The following LHFPL3 variants were observed in gnomAD, a reference collection of about 807,000 sequenced individuals.
LHFPL3 encodes LHFPL tetraspan subfamily member 3, also known as LHFPL tetraspan subfamily member 3 protein.
In LHFPL3, 5 loss-of-function variants were observed where a neutral mutation model predicts 19.3. That is an observed-to-expected ratio of 0.26 (90% CI 0.14 to 0.54). LHFPL3 has a LOEUF of 0.54. Among genes scored for constraint, LHFPL3 ranks in the 20% least tolerant of loss-of-function variants. LHFPL3 has a pLI of 0.94. For synonymous variants in LHFPL3, 133 were observed against 126.2 expected (o/e 1.05, Z -0.36); for missense variants, 249 against 307.4 (o/e 0.81, Z 1.42).
At chr7:104,627,217 AT>A (rs1417111170) in intron 1 of LHFPL3, among the ~76,000 whole-genome samples, 2 of 152,126 alleles carry the variant, frequency 1.3e-5, no homozygotes, top group African/African-American at 4.8e-5. Context: ...AATTACAATC[AT>A]GCGGTATTTG....
intron 1 of LHFPL3, among the ~76,000 whole-genome samples, chr7:104,493,825 T>C (rs1244267871): frequency 6.6e-6 from 1 of 152,180 alleles, no homozygotes; most frequent in Non-Finnish European, 1.5e-5. Context: ...CTTACTTCTC[T>C]GTACCATGCT....
chr7:104,759,608 C>CA (rs1415007261), intron 2 of LHFPL3: 3 of 152,168 alleles, frequency 2.0e-5, no homozygotes, highest in African/African-American at 7.2e-5. Context: ...GGACAGCAGA[C>CA]AGTTCACTCA....
intron 1 of LHFPL3, among the ~76,000 whole-genome samples, chr7:104,523,715 C>A (rs1287378861): frequency 1.3e-5 from 2 of 152,190 alleles, no homozygotes; most frequent in Non-Finnish European, 2.9e-5. Flanking sequence ...TAGATGATCA[C>A]TCTTCAGTGA....
At chr7:104,383,821 A>G (rs1790880516) in intron 1 of LHFPL3, among the ~76,000 whole-genome samples, 1 of 152,170 alleles carries the variant, frequency 6.6e-6, no homozygotes, top group Non-Finnish European at 1.5e-5. Flanking sequence ...GGTCTTATGA[A>G]TTCTCATTAA....
chr7:104,589,398 A>G (rs1160485520), intron 1 of LHFPL3, among the ~76,000 whole-genome samples: 1 of 152,218 alleles, frequency 6.6e-6, no homozygotes, highest in Non-Finnish European at 1.5e-5. Flanking sequence ...GGCTCTGTTT[A>G]TATGATGGAT....
intron 2 of LHFPL3, among the ~76,000 whole-genome samples, chr7:104,859,240 CT>C (rs1332472421): frequency 6.7e-6 from 1 of 149,718 alleles, no homozygotes; most frequent in Non-Finnish European, 1.5e-5. Flanking sequence ...GCACTCCAGC[CT>C]GGGCAACAGA....
chr7:104,374,472 C>T (rs1562878355), intron 1 of LHFPL3, among the ~76,000 whole-genome samples: 1 of 152,072 alleles, frequency 6.6e-6, no homozygotes, highest in Non-Finnish European at 1.5e-5. Flanking sequence ...AATCTCTTGA[C>T]CTTATGATCT....
intron 1 of LHFPL3, among the ~76,000 whole-genome samples, chr7:104,345,033 G>A (rs949101147): frequency 6.6e-6 from 1 of 152,126 alleles, no homozygotes; most frequent in African/African-American, 2.4e-5. Flanking sequence ...AACTGTTTGA[G>A]ACTGGTATTT....
At chr7:104,891,347 G>A (rs1422414946) in intron 2 of LHFPL3, among the ~76,000 whole-genome samples, 4 of 152,066 alleles carry the variant, frequency 2.6e-5, no homozygotes, top group East Asian at 3.9e-4. Context: ...ATAACATGGC[G>A]GAAGGGCAAG....
At chr7:104,641,992 T>C (rs1791844732) in intron 1 of LHFPL3, among the ~76,000 whole-genome samples, 1 of 150,512 alleles carries the variant, frequency 6.6e-6, no homozygotes, top group Non-Finnish European at 1.5e-5. Flanking sequence ...TGCCCAGACA[T>C]AACAAAATGG....
At chr7:104,873,984 G>T (rs1260878595) in intron 2 of LHFPL3, among the ~76,000 whole-genome samples, 1 of 152,214 alleles carries the variant, frequency 6.6e-6, no homozygotes, top group Non-Finnish European at 1.5e-5. Flanking sequence ...GGCATTTGGA[G>T]ATCCCTAATG....
intron 1 of LHFPL3, among the ~76,000 whole-genome samples, chr7:104,723,112 C>A (rs571528873): frequency 6.6e-6 from 1 of 152,236 alleles, no homozygotes; most frequent in African/African-American, 2.4e-5. Flanking sequence ...GATGTTTCCT[C>A]CATAGAGGTT....
intron 2 of LHFPL3, among the ~76,000 whole-genome samples, chr7:104,803,701 G>A (rs1400662104): frequency 6.6e-6 from 1 of 152,196 alleles, no homozygotes; most frequent in Non-Finnish European, 1.5e-5. Flanking sequence ...CATTTGTGCA[G>A]TGCACAAACT....
At position 104,624,633 on chromosome 7, in the gene LHFPL3, T is replaced by C. The variant is rs572512109; in HGVS notation, c.446-112042T>C. Among the ~76,000 whole-genome samples, 10 of 152,310 alleles carry C rather than the reference T, an allele frequency of 6.6e-5. No individual in the cohort carries two copies. The South Asian group carries it at 1.9e-3, about 28-fold the overall frequency. On this transcript the variant is annotated intron_variant, in intron 1 of 2. Transcript: ENST00000424859. ...CTCATGGGTAAGGAGGGTAATTATT[T>C]TGAACTATTATTATTTTGAAGGAAT...
chr7:104,854,536 A>G (rs1791466537), intron 2 of LHFPL3, among the ~76,000 whole-genome samples: 1 of 152,204 alleles, frequency 6.6e-6, no homozygotes, highest in African/African-American at 2.4e-5. Flanking sequence ...CTATATGCAC[A>G]GGGCAATATG....
intron 1 of LHFPL3, among the ~76,000 whole-genome samples, chr7:104,432,366 T>C (rs1210301966): frequency 6.6e-6 from 1 of 152,186 alleles, no homozygotes; most frequent in Non-Finnish European, 1.5e-5. Flanking sequence ...CTCTGCTGAC[T>C]TGTGCCTCCT....
intron 1 of LHFPL3, among the ~76,000 whole-genome samples, chr7:104,518,823 ATAGATAG>A (rs1480180027): frequency 7.3e-5 from 11 of 150,930 alleles, no homozygotes; most frequent in African/African-American, 2.7e-4. Flanking sequence ...AGATAGATAG[ATAGATAG>A]ATAGATAGAT....
At chr7:104,586,997 G>T (rs999880651) in intron 1 of LHFPL3, among the ~76,000 whole-genome samples, 3 of 152,088 alleles carry the variant, frequency 2.0e-5, no homozygotes, top group African/African-American at 7.2e-5. Context: ...GTATATGAGT[G>T]TGAAACAAAG....
At chr7:104,760,993 C>G (rs1458660646) in intron 2 of LHFPL3, among the ~76,000 whole-genome samples, 1 of 150,616 alleles carries the variant, frequency 6.6e-6, no homozygotes, top group Non-Finnish European at 1.5e-5. Flanking sequence ...AAAAGGACAG[C>G]AGACCCAGGT....
Sources: gnomAD v4.1 joint callset for allele counts (sites outside exome capture counted in the v4.1 genomes callset) on GRCh38, gnomAD v4.1.1 for gene constraint, MANE v1.5 for transcripts, NCBI Gene and HGNC (gene_info 2026-07-23, HGNC 2026-07-21) for gene names.